The following PPM1D variants were observed in gnomAD, a reference collection of about 807,000 sequenced individuals.
The protein encoded by PPM1D is protein phosphatase, Mg2+/Mn2+ dependent 1D.
A neutral mutation model predicts 58.3 loss-of-function variants in PPM1D; 52 were observed. That is an observed-to-expected ratio of 0.89 (90% confidence interval 0.71 to 1.12). PPM1D has a LOEUF of 1.12. Among genes scored for constraint, PPM1D ranks in the 50% most tolerant of loss-of-function variants. The pLI, the probability that PPM1D is intolerant of heterozygous loss-of-function variation, is 0.00. For synonymous variants in PPM1D, 278 were observed against 285.1 expected (o/e 0.98, Z 0.25); for missense variants, 564 against 777.2 (o/e 0.73, Z 3.26).
At chr17:60,648,187 T>G in intron 4 of PPM1D, 105 bp downstream of exon 4, 1 of 1,258,648 alleles carries the variant, frequency 7.9e-7, no homozygotes, top group Non-Finnish European at 1.1e-6. Flanking sequence ...GGTAGATTTT[T>G]GCATTTGCCT....
chr17:60,639,122 TA>T (rs201172981), intron 3 of PPM1D, among the ~76,000 whole-genome samples: 2 of 152,086 alleles, frequency 1.3e-5, no homozygotes, highest in Admixed American at 6.6e-5. Context: ...AAAAAAAAAT[TA>T]TTTTTTTTTG....
chr17:60,613,418 C>A (rs538880182), intron 1 of PPM1D, among the ~76,000 whole-genome samples: 1 of 152,240 alleles, frequency 6.6e-6, no homozygotes, highest in Non-Finnish European at 1.5e-5. Context: ...TGCCTAGGTT[C>A]GAATTCCAGC....
intron 1 of PPM1D, among the ~76,000 whole-genome samples, chr17:60,608,822 A>T (rs1373335834): frequency 6.7e-6 from 1 of 150,228 alleles, no homozygotes; most frequent in Non-Finnish European, 1.5e-5. Context: ...ATCTTGGCTC[A>T]CTGCAAGCTC....
At chr17:60,632,707 C>T (rs943529734) in intron 2 of PPM1D, among the ~76,000 whole-genome samples, 6 of 152,208 alleles carry the variant, frequency 3.9e-5, no homozygotes, top group Non-Finnish European at 8.8e-5. Flanking sequence ...AAAAATTAGG[C>T]AGGCGTGGTG....
chr17:60,645,570 A>ATG (rs1472632747), intron 3 of PPM1D, among the ~76,000 whole-genome samples: 5 of 137,086 alleles, frequency 3.6e-5, no homozygotes, highest in Non-Finnish European at 7.5e-5. Flanking sequence ...GTGTATATAT[A>ATG]TGTATATATA....
At position 60,663,619 on chromosome 17, in the gene PPM1D, ATGT is replaced by A; in HGVS notation, c.*70_*72del. On this transcript the variant is annotated 3_prime_UTR_variant, in exon 6 of 6. Coordinates refer to ENST00000305921, the MANE Select transcript of PPM1D (RefSeq NM_003620.4). ...AGAGGGCTTTTTAAATTTGGTGCCG[ATGT>A]TGAACTTTTTTTAAGGGGAGAAAAT... 6.7e-7 allele frequency: 1 copy of A among 1,494,756 alleles called. No homozygotes were observed. The highest frequency in any genetic ancestry group is 9.0e-7 in the Non-Finnish European group (1 of 1,116,402). 92.6% of individuals were successfully genotyped at this position (1,494,756 alleles called of 1,614,324 possible).
At chr17:60,601,973 G>A (rs2030222285) in intron 1 of PPM1D, among the ~76,000 whole-genome samples, 1 of 152,168 alleles carries the variant, frequency 6.6e-6, no homozygotes, top group Admixed American at 6.5e-5. Context: ...TTCAGCAGAG[G>A]GATAGAGACA....
At chr17:60,613,006 T>A (rs985484582) in intron 1 of PPM1D, among the ~76,000 whole-genome samples, 2 of 152,224 alleles carry the variant, frequency 1.3e-5, no homozygotes, top group African/African-American at 4.8e-5. Flanking sequence ...CTCCAAAGTC[T>A]TGCACTTGGC....
intron 3 of PPM1D, among the ~76,000 whole-genome samples, chr17:60,639,460 TG>T (rs1302721705): frequency 6.6e-6 from 1 of 151,574 alleles, no homozygotes; most frequent in Non-Finnish European, 1.5e-5. Context: ...TTTTTTGAGA[TG>T]GAGTCTCACT....
intron 5 of PPM1D, among the ~76,000 whole-genome samples, chr17:60,658,523 C>T (rs973364567): frequency 6.6e-6 from 1 of 151,860 alleles, no homozygotes; most frequent in Non-Finnish European, 1.5e-5. Flanking sequence ...TGATGCATGC[C>T]TGTAATCCCA....
intron 4 of PPM1D, among the ~76,000 whole-genome samples, chr17:60,648,798 C>G (rs575056896): frequency 6.8e-6 from 1 of 147,054 alleles, no homozygotes; most frequent in South Asian, 2.2e-4. Context: ...GTGTCTCGCT[C>G]TGTTACCGAG....
Position 60,664,417 on chromosome 17 carries a change from A to C in PPM1D, c.*865A>C, listed in dbSNP as rs1054929509. ...AACATTTCTTAAATTATTTTATATC[A>C]TACAGTTTTCATTGATTATATGGGT... is the stretch of plus-strand genomic sequence containing the variant. On this transcript the variant is annotated 3_prime_UTR_variant, in exon 6 of 6. Transcript: ENST00000305921. 1 of 152,656 alleles carries C rather than the reference A, an allele frequency of 6.6e-6. No homozygotes were observed. Among genetic ancestry groups the C allele is most frequent in the Non-Finnish European group, 1.5e-5 (1 of 68,042 alleles). The allele number at this position is 152,656 out of a possible 1,614,324, so 9.5% of individuals were successfully genotyped here. A position where few individuals can be genotyped will look rare whatever the true frequency, so the allele number is the denominator to read the frequency against.
chr17:60,618,385 G>A (rs2030628369), intron 1 of PPM1D, among the ~76,000 whole-genome samples: 1 of 152,182 alleles, frequency 6.6e-6, no homozygotes, highest in South Asian at 2.1e-4. Context: ...TACCTGCAAT[G>A]TACCAGTTTA....
intron 1 of PPM1D, among the ~76,000 whole-genome samples, chr17:60,617,789 G>A (rs192119302): frequency 6.6e-6 from 1 of 152,064 alleles, no homozygotes; most frequent in Non-Finnish European, 1.5e-5. Flanking sequence ...ATAAGCATAT[G>A]TATAGAAAAG....
rs954948593 is a variant in PPM1D, at chr17:60,604,053, A to G, written c.472+3167A>G. Among the ~76,000 whole-genome samples, 8 of 152,314 alleles carry G rather than the reference A, an allele frequency of 5.3e-5. No homozygotes were observed. In the East Asian group the frequency reaches 1.3e-3, roughly 26 times the overall value. On this transcript the variant is annotated intron_variant, in intron 1 of 5. Coordinates refer to ENST00000305921, the MANE Select transcript of PPM1D (RefSeq NM_003620.4). The stretch of plus-strand genomic sequence containing the variant: ...TTAATACGTTAAGATCCATTGGTCT[A>G]TTTTGTACTTTGAACGAATCTCATC...
At chr17:60,658,518 C>CA (rs777979137) in intron 5 of PPM1D, among the ~76,000 whole-genome samples, 1 of 151,918 alleles carries the variant, frequency 6.6e-6, no homozygotes, top group Non-Finnish European at 1.5e-5. Context: ...TGTGGTGATG[C>CA]ATGCCTGTAA....
At chr17:60,616,814 A>G (rs1188332413) in intron 1 of PPM1D, among the ~76,000 whole-genome samples, 1 of 152,256 alleles carries the variant, frequency 6.6e-6, no homozygotes, top group Admixed American at 6.5e-5. Flanking sequence ...CTTTTGACCA[A>G]AAGTGTGATT....
chr17:60,613,217 AT>A (rs1260371726), intron 1 of PPM1D, among the ~76,000 whole-genome samples: 1 of 149,930 alleles, frequency 6.7e-6, no homozygotes, highest in African/African-American at 2.5e-5. Context: ...TTTTTTTTTC[AT>A]TTGGACTATT....
At chr17:60,656,947 C>T in intron 5 of PPM1D, 106 bp downstream of exon 5, 1 of 1,595,622 alleles carries the variant, frequency 6.3e-7, no homozygotes, top group Non-Finnish European at 8.5e-7. Context: ...TGGATTTGAA[C>T]TCGATTCAAG....
Sources: allele counts gnomAD v4.1 joint callset (sites outside exome capture counted in the v4.1 genomes callset), GRCh38; gene constraint gnomAD v4.1.1; transcripts MANE v1.5; gene names NCBI Gene and HGNC (gene_info 2026-07-23, HGNC 2026-07-21).